The following ITSN2 variants were observed in gnomAD, a reference collection of about 807,000 sequenced individuals.
ITSN2 encodes the protein intersectin 2.
Under a neutral mutation model 243.7 loss-of-function variants are expected in ITSN2, and 156 were observed. The ratio of observed to expected loss-of-function variants is 0.64; its 90% confidence interval spans 0.56 to 0.73. The LOEUF is 0.73. Ranked by LOEUF, ITSN2 falls within the 30% of genes least tolerant of loss-of-function variation. ITSN2 has a pLI of 0.00. For missense variants in ITSN2, 1,801 were observed against 1,996.1 expected (o/e 0.90, Z 1.86); for synonymous variants, 703 against 699.9 (o/e 1.00, Z -0.07).
At chr2:24,332,619 G>T (rs1490526337) in intron 1 of ITSN2, among the ~76,000 whole-genome samples, 6 of 152,040 alleles carry the variant, frequency 3.9e-5, no homozygotes, top group African/African-American at 1.4e-4. Flanking sequence ...CTAAATATGG[G>T]AGTATATTTT....
Position 24,208,372 on chromosome 2 carries a change from C to T in ITSN2, c.4596-53G>A, listed in dbSNP as rs1386183176. 66 of 1,344,814 alleles carry T rather than the reference C, an allele frequency of 4.9e-5. No homozygotes were observed. In the South Asian group the frequency reaches 5.0e-4, roughly 10 times the overall value. 83.3% of individuals were successfully genotyped at this position (1,344,814 alleles called of 1,614,324 possible). On this transcript the variant is annotated intron_variant, in intron 36 of 39. Coordinates refer to ENST00000355123, the MANE Select transcript of ITSN2 (RefSeq NM_006277.3). Reference sequence around the variant, plus strand: ...GCCGCATCCCACCCTCACAGGTCAGCGTGGAGCCCCAGAGCTCTGCACATG... The same window carrying T: ...GCCGCATCCCACCCTCACAGGTCAGTGTGGAGCCCCAGAGCTCTGCACATG...
At chr2:24,321,147 A>G (rs1684530248) in intron 2 of ITSN2, among the ~76,000 whole-genome samples, 1 of 152,182 alleles carries the variant, frequency 6.6e-6, no homozygotes, top group South Asian at 2.1e-4. Flanking sequence ...GGATGTCTGC[A>G]TTGCAAATAC....
At chr2:24,358,836 G>A (rs1394832126) in intron 1 of ITSN2, among the ~76,000 whole-genome samples, 1 of 152,120 alleles carries the variant, frequency 6.6e-6, no homozygotes, top group Non-Finnish European at 1.5e-5. Context: ...GAGATGTACC[G>A]AACAATGGTA....
At chr2:24,320,194 T>G (rs1459713400) in intron 2 of ITSN2, among the ~76,000 whole-genome samples, 1 of 141,758 alleles carries the variant, frequency 7.1e-6, no homozygotes, top group South Asian at 2.4e-4. Flanking sequence ...CTGGGCAACA[T>G]AGTGAGACCC....
rs752516358 is a variant in ITSN2, at chr2:24,217,925, G to A, written c.3788C>T (p.Ser1263Phe). 3.1e-6 allele frequency: 5 copies of A among 1,613,218 alleles called. No individual in the cohort carries two copies. In the Admixed American group the frequency reaches 5.0e-5, roughly 16 times the overall value. The change falls in exon 31 of 40, where the codon TCC (serine) becomes TTC (phenylalanine). Residue 1263 changes from serine (S) to phenylalanine (F), a missense_variant. Physicochemically the swap from Ser to Phe is radical, Grantham distance 155 (BLOSUM62 -2). Around this residue, in one of 5 missense-constraint regions of ITSN2, gnomAD observed 928 missense variants for 1,065.4 expected, o/e 0.87. Transcript: ENST00000355123. ...IFVNWKELIMSNTKLLKALRV... is the reference protein window; with the variant it reads ...IFVNWKELIMFNTKLLKALRV... ...GACTCACTTCAGCAGCTTTGTGTTG[G>A]ACATGATGAGCTCCTTCCAGTTAAC... is the stretch of plus-strand genomic sequence containing the variant.
At chr2:24,226,184 G>C (rs930673265) in intron 29 of ITSN2, among the ~76,000 whole-genome samples, 1 of 152,184 alleles carries the variant, frequency 6.6e-6, no homozygotes, top group Non-Finnish European at 1.5e-5. Flanking sequence ...TTAGGGGATA[G>C]AATATTGTGT....
At chr2:24,266,198 A>G (rs1402472139) in intron 20 of ITSN2, among the ~76,000 whole-genome samples, 3 of 152,186 alleles carry the variant, frequency 2.0e-5, no homozygotes, top group Non-Finnish European at 2.9e-5. Context: ...ACTTACTCAT[A>G]TAAATTAGTA....
At chr2:24,246,967 T>G in intron 27 of ITSN2, 74 bp from the exon 28 acceptor site, 6 of 1,045,428 alleles carry the variant, frequency 5.7e-6, no homozygotes, top group Non-Finnish European at 8.7e-6. Context: ...ACTTAAAAAT[T>G]AGAAAAACCA....
chr2:24,258,555 C>T (rs1286685386), intron 22 of ITSN2, among the ~76,000 whole-genome samples: 1 of 152,148 alleles, frequency 6.6e-6, no homozygotes, highest in Admixed American at 6.5e-5. Flanking sequence ...ATTCTTCTTT[C>T]TTTCCCTCCT....
chr2:24,271,896 T>C lies in ITSN2; in HGVS notation c.2127A>G (p.Arg709=). 1 of 1,592,224 alleles carries C rather than the reference T, an allele frequency of 6.3e-7. No homozygotes were observed. Among genetic ancestry groups the C allele is most frequent in the African/African-American group, 1.4e-5 (1 of 73,554 alleles). The change falls in exon 19 of 40, where the codon AGA becomes AGG. Residue 709 remains arginine, a synonymous_variant. Transcript: ENST00000355123. ...GCTTTTGTTTTTCTTCTTCCTCCTT[T>C]CTAAGATTTTCTTTCCATAAGTTTT... is the stretch of plus-strand genomic sequence containing the variant. The part of the protein sequence containing the change: ...GKENLWKENL[R]KEEEEKQKRL...
upstream of ITSN2, among the ~76,000 whole-genome samples, chr2:24,360,980 T>TG (rs1334019226): frequency 1.3e-5 from 2 of 152,186 alleles, no homozygotes; most frequent in Non-Finnish European, 2.9e-5. Context: ...CTCTGGGAAT[T>TG]GGGGGGTGGA....
rs74893553 is a variant in ITSN2, at chr2:24,275,588, T to C, written c.2081+125A>G. The C allele has an allele frequency of 6.5e-4, 421 of 649,596 alleles. 2 individuals are homozygous for C. The African/African-American group carries it at 7.3e-3, about 11-fold the overall frequency. 40.2% of individuals were successfully genotyped at this position (649,596 alleles called of 1,614,324 possible). ...TTGATCCCTAAAAGGACTGAACTTATGAGATCCAGAATCTGATTAGGATAA... is the reference window on the plus strand; with the variant it reads ...TTGATCCCTAAAAGGACTGAACTTACGAGATCCAGAATCTGATTAGGATAA... On this transcript the variant is annotated intron_variant, in intron 18 of 39. Transcript: ENST00000355123.
At chr2:24,321,149 T>G (rs1427101501) in intron 2 of ITSN2, among the ~76,000 whole-genome samples, 1 of 152,200 alleles carries the variant, frequency 6.6e-6, no homozygotes, top group Non-Finnish European at 1.5e-5. Flanking sequence ...ATGTCTGCAT[T>G]GCAAATACAG....
rs746840141 is a variant in ITSN2, at chr2:24,203,721, G to C, written c.4999C>G (p.Pro1667Ala). ...KIRTEQESKG[P>A]MTRRLLLHEV... Reference sequence around the variant, plus strand: ...TGCAGCAGCAGTCGGCGGGTCATAGGGCCTTTGCTTTCCTGTTCTGTTCGA... The same window carrying C: ...TGCAGCAGCAGTCGGCGGGTCATAGCGCCTTTGCTTTCCTGTTCTGTTCGA... The change falls in exon 40 of 40, where the codon CCT becomes GCT. Residue 1667 changes from proline to alanine, a missense_variant. Pro to Ala is a conservative substitution (Grantham distance 27). This residue lies in a region of ITSN2 where 928 missense variants were observed against 1,065.4 expected (regional missense o/e 0.87). Transcript: ENST00000355123. 6.2e-7 allele frequency: 1 copy of C among 1,614,156 alleles called. No individual in the cohort carries two copies. The highest frequency in any genetic ancestry group is 1.1e-5 in the South Asian group (1 of 91,070).
chr2:24,261,000 A>G (rs895051000), intron 22 of ITSN2, 106 bp downstream of exon 22: 18 of 961,088 alleles, frequency 1.9e-5, no homozygotes, highest in Non-Finnish European at 2.6e-5. Flanking sequence ...TGAATGCTAC[A>G]AACTCTGGTT....
chr2:24,247,769 C>T (rs750531361), intron 27 of ITSN2, among the ~76,000 whole-genome samples: 3 of 152,078 alleles, frequency 2.0e-5, no homozygotes, highest in African/African-American at 4.8e-5. Flanking sequence ...ATGGTGCAGC[C>T]GACTACAAAT....
intron 17 of ITSN2, among the ~76,000 whole-genome samples, chr2:24,277,713 T>C (rs1678193527): frequency 6.6e-6 from 1 of 152,154 alleles, no homozygotes; most frequent in Non-Finnish European, 1.5e-5. Context: ...ATCAGTAAAA[T>C]GAGGTTAATT....
intron 14 of ITSN2, among the ~76,000 whole-genome samples, chr2:24,294,884 A>G (rs1680741939): frequency 6.6e-6 from 1 of 152,180 alleles, no homozygotes; most frequent in Non-Finnish European, 1.5e-5. Flanking sequence ...TTATAAAGGA[A>G]GTTGAAGGGA....
chr2:24,295,147 G>A (rs537068834), intron 14 of ITSN2, among the ~76,000 whole-genome samples: 135 of 152,158 alleles, frequency 8.9e-4, no homozygotes, highest in Non-Finnish European at 1.5e-3. Context: ...GTCCACTTAC[G>A]TATATATATT....
Sources: gnomAD v4.1 joint callset for allele counts (sites outside exome capture counted in the v4.1 genomes callset) on GRCh38, gnomAD v4.1.1 for gene constraint, gnomAD v4.1.1 regional missense constraint, MANE v1.5 for transcripts, NCBI Gene and HGNC (gene_info 2026-07-23, HGNC 2026-07-21) for gene names.